Variants in COL9A1 observed in about 807,000 individuals in gnomAD.
COL9A1 encodes the protein collagen alpha-1(IX) chain.
Under a neutral mutation model 142.6 loss-of-function variants are expected in COL9A1, and 104 were observed. The observed-to-expected ratio is 0.73, with a 90% CI of 0.62 to 0.86. COL9A1 has a LOEUF of 0.86. Among genes scored for constraint, COL9A1 ranks in the 40% least tolerant of loss-of-function variants. COL9A1 has a pLI of 0.00. For synonymous variants in COL9A1, 466 were observed against 396.0 expected, an observed-to-expected ratio of 1.18 and a Z score of -2.10; for missense variants, 1,210 against 1,176.6, an observed-to-expected ratio of 1.03 and a Z score of -0.42.
chr6:70,244,795 T>G (rs1007607368), intron 28 of COL9A1, among the ~76,000 whole-genome samples: 3 of 151,032 alleles, frequency 2.0e-5, no homozygotes, highest in Non-Finnish European at 4.4e-5. Flanking sequence ...TTTTCTCTGC[T>G]GGACTCTTAT....
intron 33 of COL9A1, among the ~76,000 whole-genome samples, chr6:70,238,750 C>A (rs1202889741): frequency 6.6e-6 from 1 of 152,132 alleles, no homozygotes; most frequent in Non-Finnish European, 1.5e-5. Flanking sequence ...AAAGGTAAAT[C>A]CATTTACACA....
chr6:70,302,974 T>G lies in COL9A1; in HGVS notation c.-50A>C. 1.3e-6 allele frequency: 2 copies of G among 1,596,914 alleles called. No homozygotes were observed. Among genetic ancestry groups the G allele is most frequent in the African/African-American group, 2.7e-5 (2 of 74,560 alleles). ...GCCAACAGTCCCTATGAAGAAGGGG[T>G]TGGAAGGGAGTCACTGTCCCCTCAC... is the stretch of plus-strand genomic sequence containing the variant. On this transcript the variant is annotated 5_prime_UTR_variant, in exon 1 of 38. Transcript: ENST00000357250.
At chr6:70,238,860 C>G (rs923178081) in intron 33 of COL9A1, among the ~76,000 whole-genome samples, 1 of 152,078 alleles carries the variant, frequency 6.6e-6, no homozygotes, top group African/African-American at 2.4e-5. Context: ...GAGTGTTGGC[C>G]GGGTGTGGTG....
chr6:70,260,394 T>C (rs1382513365), intron 20 of COL9A1, among the ~76,000 whole-genome samples: 1 of 151,864 alleles, frequency 6.6e-6, no homozygotes, highest in East Asian at 1.9e-4. Flanking sequence ...AATACAAAAA[T>C]TAGCCGGGCG....
At chr6:70,222,211 A>T (rs1002735368) in intron 37 of COL9A1, among the ~76,000 whole-genome samples, 8 of 152,202 alleles carry the variant, frequency 5.3e-5, no homozygotes, top group African/African-American at 1.9e-4. Context: ...AAATTTCACT[A>T]AATAATGTCA....
At chr6:70,276,704 C>T (rs1772787605) in intron 10 of COL9A1, among the ~76,000 whole-genome samples, 1 of 152,158 alleles carries the variant, frequency 6.6e-6, no homozygotes, top group Non-Finnish European at 1.5e-5. Flanking sequence ...GTTGTCCTGG[C>T]ATCTAACCAC....
At chr6:70,261,322 G>C (rs192253358) in intron 19 of COL9A1, among the ~76,000 whole-genome samples, 1 of 152,134 alleles carries the variant, frequency 6.6e-6, no homozygotes, top group Non-Finnish European at 1.5e-5. Context: ...GAGGGGCGGG[G>C]TGTGATTTCT....
chr6:70,220,464 C>G lies in COL9A1; in HGVS notation c.2582-3383G>C, dbSNP rs539975140. ...GGGCCTGAGTTGACCAGGAAGTAGA[C>G]AGAGGTACAAAAACAAAGCACAGTA... On this transcript the variant is annotated intron_variant, in intron 37 of 37. Coordinates refer to ENST00000357250, the MANE Select transcript of COL9A1 (RefSeq NM_001851.6). Among the ~76,000 whole-genome samples the G allele has an allele frequency of 4.6e-4, 70 of 151,074 alleles. 1 individual carries two copies. In the South Asian group the frequency reaches 0.015, roughly 32 times the overall value.
chr6:70,267,442 C>T (rs1772099982), intron 17 of COL9A1, among the ~76,000 whole-genome samples: 1 of 151,050 alleles, frequency 6.6e-6, no homozygotes, highest in Non-Finnish European at 1.5e-5. Context: ...CTTCTCTCAG[C>T]TTCCCGAGTA....
At position 70,267,327 on chromosome 6, in the gene COL9A1, GT is replaced by G. The variant is rs61373051; in HGVS notation, c.1288-558del. ...TTGTTGTTGTTTGTTTGGTTTTTTT[GT>G]TTTTTTTTTTTGAGATGGAGCTTCG... On this transcript the variant is annotated intron_variant, in intron 17 of 37. Transcript: ENST00000357250. Among the ~76,000 whole-genome samples, 918 of 127,038 alleles carry G rather than the reference GT, an allele frequency of 7.2e-3. 32 individuals carry two copies. The highest frequency in any genetic ancestry group is 0.025 in the African/African-American group (854 of 33,666). 83.3% of individuals were successfully genotyped at this position (127,038 alleles called of 152,430 possible). A position where few individuals can be genotyped will look rare whatever the true frequency, so the allele number is the denominator to read the frequency against.
chr6:70,223,679 G>A (rs149707614), intron 37 of COL9A1, among the ~76,000 whole-genome samples: 11 of 152,250 alleles, frequency 7.2e-5, no homozygotes, highest in South Asian at 2.1e-4. Context: ...AGGACACCGC[G>A]CCAAAGCGCA....
chr6:70,249,079 A>G (rs535308), intron 28 of COL9A1, among the ~76,000 whole-genome samples: 60,895 of 150,072 alleles, frequency 0.41, 12,624 homozygotes, highest in African/African-American at 0.45. Flanking sequence ...CCTGACTTGA[A>G]CACAAGATCT....
chr6:70,243,512 C>A (rs1056617517), intron 28 of COL9A1, among the ~76,000 whole-genome samples: 1 of 152,050 alleles, frequency 6.6e-6, no homozygotes, highest in African/African-American at 2.4e-5. Context: ...TGCAATCTGA[C>A]AAAAGTTCAT....
chr6:70,267,899 T>A (rs1233025891), intron 17 of COL9A1, among the ~76,000 whole-genome samples: 1 of 152,194 alleles, frequency 6.6e-6, no homozygotes, highest in East Asian at 1.9e-4. Flanking sequence ...AGAAAAACTC[T>A]AATGGAAAAT....
At position 70,260,716 on chromosome 6, in the gene COL9A1, A is replaced by G. The variant is rs1360782538; in HGVS notation, c.1396-6T>C. On this transcript the variant is annotated splice_region_variant and splice_polypyrimidine_tract_variant and intron_variant, in intron 19 of 37. Coordinates refer to ENST00000357250, the MANE Select transcript of COL9A1 (RefSeq NM_001851.6). ...CCTCGCAAACCCTGGGCTCCCTGGA[A>G]ATGTGAAAAAGAGAAGTGAATTATT... The G allele has an allele frequency of 2.5e-6, 4 of 1,613,754 alleles. No individual in the cohort carries two copies. Among genetic ancestry groups the G allele is most frequent in the Non-Finnish European group, 3.4e-6 (4 of 1,179,814 alleles).
intron 10 of COL9A1, chr6:70,280,065 T>C: frequency 1.5e-6 from 1 of 684,804 alleles, no homozygotes; most frequent in South Asian, 1.6e-5. Context: ...GAGGAGAAGC[T>C]GAGAATCCTG....
intron 5 of COL9A1, among the ~76,000 whole-genome samples, chr6:70,285,180 T>C (rs1773402705): frequency 6.6e-6 from 1 of 152,264 alleles, no homozygotes; most frequent in Non-Finnish European, 1.5e-5. Context: ...TGTTTAAATA[T>C]GCAAGCTGCA....
In COL9A1 at chr6:70,240,682, A is replaced by G. The variant is rs1286018687; in HGVS notation, c.2079+7T>C. On this transcript the variant is annotated splice_region_variant and intron_variant, in intron 32 of 37. Coordinates refer to ENST00000357250, the MANE Select transcript of COL9A1 (RefSeq NM_001851.6). ...CTTCATCATTAACCAGAAAAAAAAAATCTTACAAGTTCCCCCCTTTCTCCT... is the reference window on the plus strand; with the variant it reads ...CTTCATCATTAACCAGAAAAAAAAAGTCTTACAAGTTCCCCCCTTTCTCCT... 1 of 1,611,138 alleles carries G rather than the reference A, an allele frequency of 6.2e-7. No homozygotes were observed. The highest frequency in any genetic ancestry group is 8.5e-7 in the Non-Finnish European group (1 of 1,177,914).
intron 1 of COL9A1, among the ~76,000 whole-genome samples, chr6:70,302,441 C>T (rs1774108015): frequency 6.6e-6 from 1 of 151,982 alleles, no homozygotes; most frequent in Non-Finnish European, 1.5e-5. Flanking sequence ...AACTCCTGAC[C>T]TCGTGATTCG....
Sources: allele counts gnomAD v4.1 joint callset (sites outside exome capture counted in the v4.1 genomes callset), GRCh38; gene constraint gnomAD v4.1.1; transcripts MANE v1.5; gene names NCBI Gene and HGNC (gene_info 2026-07-23, HGNC 2026-07-21).